The following RHOH variants were observed in gnomAD, a reference collection of about 807,000 sequenced individuals.
RHOH encodes the protein rho-related GTP-binding protein RhoH.
RHOH carries 6 observed loss-of-function variants against 13.8 expected under a neutral mutation model. That is an observed-to-expected ratio of 0.44 (90% CI 0.24 to 0.86). The LOEUF (loss-of-function observed/expected upper bound fraction) is 0.86. Among genes scored for constraint, RHOH ranks in the 40% least tolerant of loss-of-function variants. The pLI is 0.24. For missense variants in RHOH, 147 were observed against 244.5 expected, an observed-to-expected ratio of 0.60 and a Z score of 2.66; for synonymous variants, 117 against 103.0, an observed-to-expected ratio of 1.14 and a Z score of -0.82.
At chr4:40,221,407 G>A (rs1726556414) in intron 1 of RHOH, among the ~76,000 whole-genome samples, 1 of 152,120 alleles carries the variant, frequency 6.6e-6, no homozygotes, top group Non-Finnish European at 1.5e-5. Context: ...TCTGTGTTGA[G>A]CGAGTCTATC....
rs1476048131 is a variant in RHOH at position 40,246,053 on chromosome 4, G to C, written c.*2091G>C. On this transcript the variant is annotated 3_prime_UTR_variant, in exon 3 of 3. Coordinates refer to ENST00000381799, the MANE Select transcript of RHOH (RefSeq NM_004310.5). ...GTCTCTAGTTCTCAGCTCAGGGTTG[G>C]GGGGCTTGAAAGATGACCGGGCAGG... 2.0e-5 allele frequency: 3 copies of C among 152,196 alleles called. No homozygotes were observed. Among genetic ancestry groups the C allele is most frequent in the Non-Finnish European group, 4.4e-5 (3 of 68,078 alleles). 9.4% of individuals were successfully genotyped at this position (152,196 alleles called of 1,614,324 possible).
chr4:40,220,442 T>C (rs1033305215), intron 1 of RHOH, among the ~76,000 whole-genome samples: 1 of 152,194 alleles, frequency 6.6e-6, no homozygotes, highest in African/African-American at 2.4e-5. Context: ...CTCCTCTCTT[T>C]AATTTAGCAT....
chr4:40,196,262 A>C (rs1723123541), upstream of RHOH, among the ~76,000 whole-genome samples: 1 of 152,234 alleles, frequency 6.6e-6, no homozygotes, highest in East Asian at 1.9e-4. Flanking sequence ...TAGCATCAAC[A>C]GTTAGTTATT....
rs768275793 is a variant in RHOH at position 40,243,605 on chromosome 4, C to G, written c.219C>G (p.Tyr73Ter). 1 of 1,614,090 alleles carries G rather than the reference C, an allele frequency of 6.2e-7. No individual in the cohort carries two copies. Among genetic ancestry groups the G allele is most frequent in the Non-Finnish European group, 8.5e-7 (1 of 1,180,050 alleles). ...TCAGAAGCATCCGGCCCCTGTCCTA[C>G]CAGCAGGCAGACGTGGTGCTGATGT... ...DAFRSIRPLS[Y>*]QQADVVLMCY... The change falls in exon 3 of 3, where the codon TAC becomes TAG. Residue 73 changes from tyrosine (Y) to a stop codon, truncating the protein, a stop_gained. Coordinates refer to ENST00000381799, the MANE Select transcript of RHOH (RefSeq NM_004310.5). LOFTEE classifies it high-confidence loss of function. This position sits in a 1 kb window ranked among gnomAD's most constrained non-coding sequence, Gnocchi z 6.2.
At chr4:40,216,258 C>G (rs569635416) in intron 1 of RHOH, among the ~76,000 whole-genome samples, 1 of 151,306 alleles carries the variant, frequency 6.6e-6, no homozygotes, top group Non-Finnish European at 1.5e-5. Flanking sequence ...TGCTTGAGCT[C>G]AGGAGTTTGA....
rs941941621 is a variant in RHOH at position 40,218,763 on chromosome 4, C to T, written c.-331+21463C>T. 3.9e-5 allele frequency among the ~76,000 whole-genome samples: 6 copies of T among 152,052 alleles called. No individual in the cohort carries two copies. Among genetic ancestry groups the T allele is most frequent in the Admixed American group, 2.0e-4 (3 of 15,278 alleles). On this transcript the variant is annotated intron_variant, in intron 1 of 2. Transcript: ENST00000381799. This position sits in a 1 kb window ranked among gnomAD's most constrained non-coding sequence, Gnocchi z 4.1. Reference sequence around the variant, plus strand: ...CCATCTAGTTCAATGCCTCATTTTGCGGATGAAAAAACAGGTTTGGAGTGG... The same window carrying T: ...CCATCTAGTTCAATGCCTCATTTTGTGGATGAAAAAACAGGTTTGGAGTGG...
At chr4:40,227,920 A>G (rs1223792547) in intron 1 of RHOH, among the ~76,000 whole-genome samples, 1 of 152,338 alleles carries the variant, frequency 6.6e-6, no homozygotes, top group African/African-American at 2.4e-5. Flanking sequence ...ATGCAGTGAT[A>G]GGCCCATACA....
In RHOH at chr4:40,243,847, T is replaced by C. The variant is rs1449794453; in HGVS notation, c.461T>C (p.Leu154Pro). 3 of 1,614,172 alleles carry C rather than the reference T, an allele frequency of 1.9e-6. No homozygotes were observed. Among genetic ancestry groups the C allele is most frequent in the East Asian group, 4.5e-5 (2 of 44,886 alleles). ...AAGGGCTACCTGGAGTGCTCAGCCCTTAGCAATCGGGGAGTACAGCAGGTG... is the reference window on the plus strand; with the variant it reads ...AAGGGCTACCTGGAGTGCTCAGCCCCTAGCAATCGGGGAGTACAGCAGGTG... The part of the protein sequence containing the change: ...RAKGYLECSA[L>P]SNRGVQQVFE... Residue 154 changes from leucine (L) to proline (P), a missense_variant, in exon 3 of 3, where the codon CTT becomes CCT. Leu to Pro is a moderately conservative substitution (Grantham distance 98). Coordinates refer to ENST00000381799, the MANE Select transcript of RHOH (RefSeq NM_004310.5). This position sits in a 1 kb window ranked among gnomAD's most constrained non-coding sequence, Gnocchi z 6.2.
chr4:40,196,692 CTT>C (rs397768063), upstream of RHOH, among the ~76,000 whole-genome samples: 5 of 117,666 alleles, frequency 4.2e-5, no homozygotes, highest in South Asian at 2.8e-4. Flanking sequence ...GTGGCATGGA[CTT>C]TTTTTTTTTT....
At chr4:40,203,585 G>A (rs1579236848) in intron 1 of RHOH, among the ~76,000 whole-genome samples, 2 of 151,872 alleles carry the variant, frequency 1.3e-5, no homozygotes, top group South Asian at 4.2e-4. Context: ...AGGTGAAGCC[G>A]CTACTTAAAG....
chr4:40,201,728 A>G (rs1724018112), intron 1 of RHOH, among the ~76,000 whole-genome samples: 1 of 152,146 alleles, frequency 6.6e-6, no homozygotes, highest in South Asian at 2.1e-4. Flanking sequence ...ACTGTGTAAA[A>G]TACAAATATG....
chr4:40,193,153 T>A (rs1722779534), upstream of RHOH: 1 of 152,420 alleles, frequency 6.6e-6, no homozygotes, highest in African/African-American at 2.4e-5. Flanking sequence ...TAACACGACG[T>A]GCTATGGAGC....
chr4:40,210,514 C>T (rs2109399039), intron 1 of RHOH, among the ~76,000 whole-genome samples: 1 of 152,274 alleles, frequency 6.6e-6, no homozygotes, highest in Admixed American at 6.5e-5. Flanking sequence ...TTCCCGGAGG[C>T]CTCCCAGATA....
upstream of RHOH, among the ~76,000 whole-genome samples, chr4:40,192,292 A>T (rs1722736347): frequency 6.6e-6 from 1 of 152,204 alleles, no homozygotes; most frequent in African/African-American, 2.4e-5. Flanking sequence ...TCACTGAAAT[A>T]TTTTATTAGG....
At chr4:40,203,208 G>A (rs570635546) in intron 1 of RHOH, among the ~76,000 whole-genome samples, 171 of 152,236 alleles carry the variant, frequency 1.1e-3, no homozygotes, top group Middle Eastern at 6.8e-3. Flanking sequence ...TCCTGACCTC[G>A]TGATCCGCCC....
rs758225526 is a variant in RHOH, at chr4:40,243,461, C to T, written c.75C>T (p.Thr25=). 3.1e-6 allele frequency: 5 copies of T among 1,613,844 alleles called. No individual in the cohort carries two copies. Among genetic ancestry groups the T allele is most frequent in the African/African-American group, 2.7e-5 (2 of 74,868 alleles). Residue 25 remains threonine (T), a synonymous_variant, in exon 3 of 3, where the codon ACC becomes ACT. Transcript: ENST00000381799. This position sits in a 1 kb window ranked among gnomAD's most constrained non-coding sequence, Gnocchi z 6.2. ...AAACCTCTCTGTTGGTGCGCTTCAC[C>T]TCCGAGACCTTCCCGGAGGCCTACA... is the stretch of plus-strand genomic sequence containing the variant. ...VGKTSLLVRF[T]SETFPEAYKP... is the part of the protein sequence containing the mutation.
intron 1 of RHOH, among the ~76,000 whole-genome samples, chr4:40,237,362 GGAGAATC>G (rs1333981797): frequency 6.6e-6 from 1 of 152,018 alleles, no homozygotes; most frequent in Non-Finnish European, 1.5e-5. Context: ...GACTGAGGCA[GGAGAATC>G]ACTTGAACCC....
At chr4:40,234,596 G>C (rs957990559) in intron 1 of RHOH, among the ~76,000 whole-genome samples, 1 of 152,078 alleles carries the variant, frequency 6.6e-6, no homozygotes, top group South Asian at 2.1e-4. Flanking sequence ...AGCTTAATAT[G>C]TTGAAATAAT....
upstream of RHOH, among the ~76,000 whole-genome samples, chr4:40,192,312 T>A (rs566225938): frequency 6.6e-6 from 1 of 152,188 alleles, no homozygotes; most frequent in Non-Finnish European, 1.5e-5. Context: ...GTGGCATAAA[T>A]GAGGGTCTGT....
Sources: allele counts gnomAD v4.1 joint callset (sites outside exome capture counted in the v4.1 genomes callset), GRCh38; gene constraint gnomAD v4.1.1; non-coding constraint Gnocchi (gnomAD v3.1); transcripts MANE v1.5; gene names NCBI Gene and HGNC (gene_info 2026-07-23, HGNC 2026-07-21).